TSPEAR: variants seen among roughly 807,000 people sequenced by gnomAD.
TSPEAR encodes the protein thrombospondin-type laminin G domain and EAR repeat-containing protein.
In TSPEAR, 69 loss-of-function variants were observed where a neutral mutation model predicts 71.6. That is an observed-to-expected ratio of 0.96 (90% CI 0.79 to 1.18). The LOEUF (loss-of-function observed/expected upper bound fraction) is 1.18. Ranked by LOEUF, TSPEAR falls within the 50% of genes most tolerant of loss-of-function variation. TSPEAR has a pLI of 0.00. For synonymous variants in TSPEAR, 402 were observed against 387.2 expected (o/e 1.04, Z -0.45); for missense variants, 971 against 894.9 (o/e 1.09, Z -1.09).
chr21:44,643,720 C>T (rs1183381012), intron 1 of TSPEAR, among the ~76,000 whole-genome samples: 1 of 152,184 alleles, frequency 6.6e-6, no homozygotes, highest in Non-Finnish European at 1.5e-5. Context: ...CACATACACA[C>T]ACACATACAC....
chr21:44,567,981 G>T lies in TSPEAR; in HGVS notation c.107C>A (p.Ala36Glu), dbSNP rs144943758. 1.3e-6 allele frequency: 2 copies of T among 1,551,580 alleles called. No homozygotes were observed. The highest frequency in any genetic ancestry group is 1.7e-6 in the Non-Finnish European group (2 of 1,143,908). The change falls in exon 2 of 12, where the codon GCG (alanine) becomes GAG (glutamate). Residue 36 changes from alanine (A) to glutamate (E), a missense_variant. Ala to Glu is a moderately radical substitution (Grantham distance 107, BLOSUM62 -1). Transcript: ENST00000323084. ...CTDLRPLDIL[A>E]EVVPSDGATS... ...GGCGCCATCAGAAGGGACCACTTCC[G>T]CCAGGATGTCCAGGGGGCGCAGGTC...
chr21:44,522,722 CCTCA>C (rs1555914447), intron 8 of TSPEAR, among the ~76,000 whole-genome samples: 1 of 152,276 alleles, frequency 6.6e-6, no homozygotes, highest in Admixed American at 6.5e-5. Context: ...GGCCAGTGCT[CCTCA>C]CTGTCTCTGC....
At chr21:44,707,510 C>T (rs537515895) in intron 1 of TSPEAR, among the ~76,000 whole-genome samples, 1 of 151,952 alleles carries the variant, frequency 6.6e-6, no homozygotes, top group Non-Finnish European at 1.5e-5. Context: ...TTGTCTGGAG[C>T]GGAACCGTAG....
intron 1 of TSPEAR, among the ~76,000 whole-genome samples, chr21:44,652,121 G>C (rs1984840028): frequency 6.6e-6 from 1 of 151,820 alleles, no homozygotes; most frequent in Non-Finnish European, 1.5e-5. Context: ...ATAGCTGGGA[G>C]TACAGGTGCC....
intron 2 of TSPEAR, among the ~76,000 whole-genome samples, chr21:44,536,738 G>A (rs985342409): frequency 1.3e-5 from 2 of 152,200 alleles, no homozygotes. Context: ...GAAATGAGAA[G>A]TTAAATTCTC....
chr21:44,599,952 G>C (rs1306568118), intron 1 of TSPEAR, among the ~76,000 whole-genome samples: 1 of 152,210 alleles, frequency 6.6e-6, no homozygotes, highest in African/African-American at 2.4e-5. Flanking sequence ...GCCCCAAACA[G>C]GGATCTGGGG....
At chr21:44,539,957 C>T in intron 2 of TSPEAR, 2 of 1,613,490 alleles carry the variant, frequency 1.2e-6, no homozygotes, top group Non-Finnish European at 1.7e-6. Flanking sequence ...TTGGCAGGGG[C>T]TGGGCTCACA....
In TSPEAR at chr21:44,610,490, G is replaced by A. The variant is rs147018310; in HGVS notation, c.83-42485C>T. Among the ~76,000 whole-genome samples, 1,427 of 152,338 alleles carry A rather than the reference G, an allele frequency of 9.4e-3. 18 individuals are homozygous for A. The highest frequency in any genetic ancestry group is 0.032 in the African/African-American group (1,340 of 41,576). The stretch of plus-strand genomic sequence containing the variant: ...CAAGAATTGAAGTTTGGGAACCTCC[G>A]CCTAGATTTCAGAAGATATATGGAA... On this transcript the variant is annotated intron_variant, in intron 1 of 11. Coordinates refer to ENST00000323084, the MANE Select transcript of TSPEAR (RefSeq NM_144991.3).
chr21:44,617,143 C>T (rs587741481), intron 1 of TSPEAR, among the ~76,000 whole-genome samples: 2 of 152,348 alleles, frequency 1.3e-5, no homozygotes, highest in South Asian at 2.1e-4. Flanking sequence ...AGCATGGCCA[C>T]GTCCACCATG....
chr21:44,524,492 T>C (rs1246860269), intron 8 of TSPEAR, among the ~76,000 whole-genome samples: 5 of 150,756 alleles, frequency 3.3e-5, no homozygotes, highest in Non-Finnish European at 7.4e-5. Context: ...GTCAGGTAGT[T>C]AGTCAGGTAG....
intron 1 of TSPEAR, chr21:44,580,235 C>T (rs1555924820): frequency 6.2e-7 from 1 of 1,613,972 alleles, no homozygotes; most frequent in East Asian, 2.2e-5. Flanking sequence ...TGGCTGGCAG[C>T]TAGACTGCTG....
intron 2 of TSPEAR, among the ~76,000 whole-genome samples, chr21:44,553,390 A>C (rs1218892305): frequency 6.6e-6 from 1 of 152,230 alleles, no homozygotes; most frequent in African/African-American, 2.4e-5. Context: ...TTCAATACCA[A>C]ATTTAATACC....
At chr21:44,609,359 A>AAT (rs1319034799) in intron 1 of TSPEAR, among the ~76,000 whole-genome samples, 2 of 152,246 alleles carry the variant, frequency 1.3e-5, no homozygotes, top group Non-Finnish European at 2.9e-5. Flanking sequence ...ATGGCTCAAA[A>AAT]ATATATCTTC....
chr21:44,535,286 C>G (rs2053069352), intron 2 of TSPEAR, among the ~76,000 whole-genome samples: 1 of 152,156 alleles, frequency 6.6e-6, no homozygotes, highest in Non-Finnish European at 1.5e-5. Context: ...CGGTGTCCAC[C>G]AAGACCTCAG....
Position 44,547,083 on chromosome 21 carries a change from C to T in TSPEAR, c.304-13160G>A, listed in dbSNP as rs147341739. 4.9e-3 allele frequency among the ~76,000 whole-genome samples: 743 copies of T among 152,370 alleles called. 22 individuals are homozygous for T. The highest frequency in any genetic ancestry group is 0.04 in the Admixed American group (616 of 15,304). ...TTCTCACATCTACTCCCCTTTGTCTCAGCTACTCCTCAGACTAGAGTATAT... is the reference window on the plus strand; with the variant it reads ...TTCTCACATCTACTCCCCTTTGTCTTAGCTACTCCTCAGACTAGAGTATAT... On this transcript the variant is annotated intron_variant, in intron 2 of 11. Transcript: ENST00000323084.
In TSPEAR at chr21:44,670,308, G is replaced by A. The variant is rs587629871; in HGVS notation, c.82+41125C>T. ...TTGATCAATCAGTAAAAAGTGGGCA[G>A]GCTCAAGAGGGCTGACTAGAGGCAC... On this transcript the variant is annotated intron_variant, in intron 1 of 11. Coordinates refer to ENST00000323084, the MANE Select transcript of TSPEAR (RefSeq NM_144991.3). Among the ~76,000 whole-genome samples, 5 of 152,268 alleles carry A rather than the reference G, an allele frequency of 3.3e-5. No individual in the cohort carries two copies. In the East Asian group the frequency reaches 9.6e-4, roughly 29 times the overall value.
At chr21:44,702,055 A>G (rs1987673630) in intron 1 of TSPEAR, among the ~76,000 whole-genome samples, 1 of 152,212 alleles carries the variant, frequency 6.6e-6, no homozygotes, top group Non-Finnish European at 1.5e-5. Flanking sequence ...TTAGCCAGAG[A>G]GACCCTAAGT....
intron 1 of TSPEAR, chr21:44,666,447 C>T (rs1290029322): frequency 7.6e-6 from 12 of 1,575,292 alleles, no homozygotes; most frequent in East Asian, 6.7e-5. Context: ...GATTCATGCT[C>T]AGCAGCAGGA....
intron 2 of TSPEAR, among the ~76,000 whole-genome samples, chr21:44,559,501 A>T (rs1555920675): frequency 1.3e-5 from 2 of 152,108 alleles, no homozygotes. Flanking sequence ...AATAGTGTTC[A>T]CACCTTCTCC....
Sources: gnomAD v4.1 joint callset for allele counts (sites outside exome capture counted in the v4.1 genomes callset) on GRCh38, gnomAD v4.1.1 for gene constraint, MANE v1.5 for transcripts, NCBI Gene and HGNC (gene_info 2026-07-23, HGNC 2026-07-21) for gene names.